The following UBE3B variants were observed in gnomAD, a reference collection of about 807,000 sequenced individuals.
UBE3B encodes the protein ubiquitin-protein ligase E3B.
A neutral mutation model predicts 132.3 loss-of-function variants in UBE3B; 80 were observed. The ratio of observed to expected loss-of-function variants is 0.60; its 90% CI spans 0.50 to 0.73. The LOEUF (loss-of-function observed/expected upper bound fraction) is 0.73, where lower values mean the gene tolerates loss of function less well. Among genes scored for constraint, UBE3B ranks in the 30% least tolerant of loss-of-function variants. The pLI, the probability that UBE3B is intolerant of heterozygous loss-of-function variation, is 0.00. For missense variants in UBE3B, 1,196 were observed against 1,362.5 expected (o/e 0.88, Z 1.92); for synonymous variants, 487 against 520.4 (o/e 0.94, Z 0.87).
rs568609560 is a variant in UBE3B, at chr12:109,530,509, C to T, written c.2811-38C>T. The T allele has an allele frequency of 4.1e-5, 65 of 1,595,054 alleles. No individual in the cohort carries two copies. The Admixed American group carries it at 7.5e-4, about 18-fold the overall frequency. ...GCCTGCCTGTCCATAAGTGCCCACG[C>T]TAGCACATTGCTGAGCCCAGGTCTG... is the stretch of plus-strand genomic sequence containing the variant. On this transcript the variant is annotated intron_variant, in intron 25 of 27. Transcript: ENST00000342494.
At chr12:109,524,786 G>A (rs1446943014) in intron 23 of UBE3B, among the ~76,000 whole-genome samples, 1 of 152,014 alleles carries the variant, frequency 6.6e-6, no homozygotes, top group Admixed American at 6.5e-5. Context: ...CGTTACCATG[G>A]TGAGGATTAG....
downstream of UBE3B, among the ~76,000 whole-genome samples, chr12:109,540,061 C>T (rs183559341): frequency 1.3e-5 from 2 of 151,948 alleles, no homozygotes; most frequent in African/African-American, 2.4e-5. Flanking sequence ...GAAGATGTGC[C>T]CTGCCTCCTT....
chr12:109,498,056 T>C, intron 10 of UBE3B, 133 bp downstream of exon 10: 2 of 1,299,636 alleles, frequency 1.5e-6, no homozygotes, highest in Non-Finnish European at 2.2e-6. Context: ...CCAGTGGCCG[T>C]GATAGACACA....
chr12:109,519,967 C>T (rs1023001268), intron 19 of UBE3B: 1 of 152,234 alleles, frequency 6.6e-6, no homozygotes, highest in African/African-American at 2.4e-5. Context: ...CAAAACAGGT[C>T]TCGCCACACT....
chr12:109,498,469 C>T, intron 11 of UBE3B, 116 bp downstream of exon 11: 1 of 1,149,626 alleles, frequency 8.7e-7, no homozygotes. Flanking sequence ...GAAGTGCTTA[C>T]AATAAAAAAC....
chr12:109,482,038 T>C (rs750717595), intron 2 of UBE3B, among the ~76,000 whole-genome samples: 1 of 152,006 alleles, frequency 6.6e-6, no homozygotes, highest in African/African-American at 2.4e-5. Flanking sequence ...TGCACCAACT[T>C]TTTTTTGGTT....
intron 24 of UBE3B, among the ~76,000 whole-genome samples, chr12:109,526,654 C>T (rs1178652448): frequency 1.3e-5 from 2 of 152,164 alleles, no homozygotes; most frequent in Admixed American, 6.5e-5. Flanking sequence ...GGGCGGATCA[C>T]GAGGTCAGGA....
chr12:109,519,299 G>A (rs1453860817), intron 19 of UBE3B, among the ~76,000 whole-genome samples: 2 of 152,198 alleles, frequency 1.3e-5, no homozygotes, highest in African/African-American at 4.8e-5. Flanking sequence ...GTGAAGAAGA[G>A]GAACGCTGAC....
the UBE3B span, among the ~76,000 whole-genome samples, chr12:109,543,324 C>T: frequency 6.6e-6 from 1 of 152,214 alleles, no homozygotes; most frequent in African/African-American, 2.4e-5. Context: ...CACCAGGTGC[C>T]AGAAACCAGC....
At chr12:109,519,821 C>T (rs1158702305) in intron 19 of UBE3B, 1 of 152,236 alleles carries the variant, frequency 6.6e-6, no homozygotes, top group Non-Finnish European at 1.5e-5. Flanking sequence ...CCTGTTCCCA[C>T]ATGTGACTTA....
In UBE3B at chr12:109,489,901, A is replaced by C. The variant is rs1460380639; in HGVS notation, c.545-18A>C. 3 of 1,612,148 alleles carry C rather than the reference A, an allele frequency of 1.9e-6. No individual in the cohort carries two copies. The highest frequency in any genetic ancestry group is 2.5e-6 in the Non-Finnish European group (3 of 1,178,366). On this transcript the variant is annotated intron_variant, in intron 7 of 27. Transcript: ENST00000342494. ...TATGGCAAGAGACTTTTTTGTTCTCACTGTTTTCTTTCTTTAGGTGAAAGT... is the reference window on the plus strand; with the variant it reads ...TATGGCAAGAGACTTTTTTGTTCTCCCTGTTTTCTTTCTTTAGGTGAAAGT...
Position 109,497,897 on chromosome 12 carries a change from ACTCAT to A in UBE3B, c.798_802del (p.His266GlnfsTer6). 1 of 1,613,932 alleles carries A rather than the reference ACTCAT, an allele frequency of 6.2e-7. No homozygotes were observed. The highest frequency in any genetic ancestry group is 2.2e-5 in the East Asian group (1 of 44,866). Reference sequence around the variant, plus strand: ...CATCATGTCTGTGCCTGCTCTGGTGACTCATCTCAGCACAGTGACCCCTGAGGTAA... The same window carrying A: ...CATCATGTCTGTGCCTGCTCTGGTGACTCAGCACAGTGACCCCTGAGGTAA... On this transcript the variant is annotated frameshift_variant, in exon 10 of 28. Coordinates refer to ENST00000342494, the MANE Select transcript of UBE3B (RefSeq NM_130466.4). LOFTEE classifies it high-confidence loss of function.
At chr12:109,507,423 T>C in intron 14 of UBE3B, 141 bp from the exon 15 acceptor site, 1 of 894,654 alleles carries the variant, frequency 1.1e-6, no homozygotes, top group African/African-American at 1.7e-5. Flanking sequence ...ATAATGCTTT[T>C]CTCCATAATC....
chr12:109,504,402 GT>G (rs1879386939), intron 14 of UBE3B, among the ~76,000 whole-genome samples: 1 of 152,224 alleles, frequency 6.6e-6, no homozygotes, highest in African/African-American at 2.4e-5. Flanking sequence ...ATTTAGATTT[GT>G]TTTAGAGGTA....
chr12:109,516,930 G>A (rs746688590), intron 19 of UBE3B, 46 bp downstream of exon 19: 4 of 1,596,354 alleles, frequency 2.5e-6, no homozygotes, highest in Admixed American at 1.7e-5. Flanking sequence ...AGTGGGCCCT[G>A]CAACATGGAA....
chr12:109,485,393 C>T (rs1876254572), intron 4 of UBE3B, among the ~76,000 whole-genome samples: 1 of 152,200 alleles, frequency 6.6e-6, no homozygotes, highest in Admixed American at 6.5e-5. Flanking sequence ...GCAGTGAACA[C>T]ATGATTACGT....
intron 1 of UBE3B, among the ~76,000 whole-genome samples, 175 bp from the exon 2 acceptor site, chr12:109,481,462 A>G (rs1875419350): frequency 6.6e-6 from 1 of 152,202 alleles, no homozygotes; most frequent in Non-Finnish European, 1.5e-5. Flanking sequence ...AACTGTGAGG[A>G]TTGAAGAGAT....
In UBE3B at chr12:109,510,333, T is replaced by A. The variant is rs371725562; in HGVS notation, c.1742-11T>A. 21 of 1,590,136 alleles carry A rather than the reference T, an allele frequency of 1.3e-5. No homozygotes were observed. The highest frequency in any genetic ancestry group is 1.8e-5 in the Non-Finnish European group (21 of 1,166,914). On this transcript the variant is annotated splice_polypyrimidine_tract_variant and intron_variant, in intron 16 of 27. Coordinates refer to ENST00000342494, the MANE Select transcript of UBE3B (RefSeq NM_130466.4). ...CTCCTCCTCTGACTTTCCTGTTTGT[T>A]TGTCCCACAGAGAACGCCAAGGGTG...
Position 109,534,833 on chromosome 12 carries a change from G to A in UBE3B, c.*51G>A. 7.0e-7 allele frequency: 1 copy of A among 1,423,646 alleles called. No individual in the cohort carries two copies. Among genetic ancestry groups the A allele is most frequent in the South Asian group, 1.4e-5 (1 of 70,466 alleles). The allele number at this position is 1,423,646 out of a possible 1,614,324, so 88.2% of individuals were successfully genotyped here. A position where few individuals can be genotyped will look rare whatever the true frequency, so the allele number is the denominator to read the frequency against. ...GCTCCTGGGCTGCCAGGGACCTTCAGCTCCCAGAGGCAGTGTGGTCCTGGG... is the reference window on the plus strand; with the variant it reads ...GCTCCTGGGCTGCCAGGGACCTTCAACTCCCAGAGGCAGTGTGGTCCTGGG... On this transcript the variant is annotated 3_prime_UTR_variant, in exon 28 of 28. Transcript: ENST00000342494. This position sits in a 1 kb window ranked among gnomAD's most constrained non-coding sequence, Gnocchi z 5.2.
Sources: allele counts gnomAD v4.1 joint callset (sites outside exome capture counted in the v4.1 genomes callset), GRCh38; gene constraint gnomAD v4.1.1; non-coding constraint Gnocchi (gnomAD v3.1); transcripts MANE v1.5; gene names NCBI Gene and HGNC (gene_info 2026-07-23, HGNC 2026-07-21).